NOTCH2: variants seen among roughly 807,000 people sequenced by gnomAD.
NOTCH2 encodes notch receptor 2.
NOTCH2 carries 29 observed loss-of-function variants against 235.8 expected under a neutral mutation model. The observed-to-expected ratio is 0.12, with a 90% CI of 0.09 to 0.17. The LOEUF is 0.17. Ranked by LOEUF, NOTCH2 falls within the 10% of genes least tolerant of loss-of-function variation. The pLI, the probability that NOTCH2 is intolerant of heterozygous loss-of-function variation, is 1.00. For missense variants in NOTCH2, 2,285 were observed against 3,150.2 expected (o/e 0.73, Z 6.57); for synonymous variants, 1,086 against 1,141.5 (o/e 0.95, Z 0.98).
At chr1:119,934,883 C>G (rs1487135692) in intron 22 of NOTCH2, among the ~76,000 whole-genome samples, 1 of 152,146 alleles carries the variant, frequency 6.6e-6, no homozygotes, top group Non-Finnish European at 1.5e-5. Context: ...AGAATGATGG[C>G]CATACCACTC....
chr1:119,931,052 G>A (rs1298567299), intron 22 of NOTCH2, among the ~76,000 whole-genome samples: 2 of 147,358 alleles, frequency 1.4e-5, no homozygotes, highest in South Asian at 2.1e-4. Flanking sequence ...GCAGTAAGCC[G>A]AGATTGCGCT....
chr1:119,998,067 A>G (rs1652543797), intron 3 of NOTCH2, among the ~76,000 whole-genome samples: 1 of 145,976 alleles, frequency 6.9e-6, no homozygotes, highest in Non-Finnish European at 1.5e-5. Flanking sequence ...ACCTCTGTAA[A>G]GTCATCCTTA....
intron 1 of NOTCH2, among the ~76,000 whole-genome samples, chr1:120,066,534 T>C (rs1325785892): frequency 2.7e-5 from 4 of 150,290 alleles, no homozygotes; most frequent in Admixed American, 6.6e-5. Context: ...GTGGGCAAAA[T>C]AGAATTTCTG....
intron 2 of NOTCH2, among the ~76,000 whole-genome samples, chr1:120,010,826 T>C (rs2101259243): frequency 6.6e-6 from 1 of 152,270 alleles, no homozygotes; most frequent in Non-Finnish European, 1.5e-5. Flanking sequence ...AATAAAAATG[T>C]TCATAGCAGC....
In NOTCH2 at chr1:120,006,748, C is replaced by T. The variant is rs587707592; in HGVS notation, c.156-1160G>A. ...CACATTTAAACCAAACTCTAAATCC[C>T]CCTCTCAAAAACCAGCTCTTCTGTG... On this transcript the variant is annotated intron_variant, in intron 2 of 33. Coordinates refer to ENST00000256646, the MANE Select transcript of NOTCH2 (RefSeq NM_024408.4). Among the ~76,000 whole-genome samples the T allele has an allele frequency of 5.3e-5, 8 of 151,966 alleles. No individual in the cohort carries two copies. The South Asian group carries it at 1.7e-3, about 32-fold the overall frequency.
chr1:119,912,133 C>T lies in NOTCH2; in HGVS notation c.*3173G>A, dbSNP rs587757461. Reference sequence around the variant, plus strand: ...CATCTTAACTACCTTTAGAATGAAACGGAAAAGTAAAAACAAAGTGTGCAT... The same window carrying T: ...CATCTTAACTACCTTTAGAATGAAATGGAAAAGTAAAAACAAAGTGTGCAT... On this transcript the variant is annotated 3_prime_UTR_variant, in exon 34 of 34. Coordinates refer to ENST00000256646, the MANE Select transcript of NOTCH2 (RefSeq NM_024408.4). 6.0e-5 allele frequency: 14 copies of T among 233,368 alleles called. No homozygotes were observed. Among genetic ancestry groups the T allele is most frequent in the South Asian group, 1.8e-4 (1 of 5,516 alleles). 14.5% of individuals were successfully genotyped at this position (233,368 alleles called of 1,614,324 possible).
At chr1:120,026,085 A>G (rs1653825983) in intron 2 of NOTCH2, among the ~76,000 whole-genome samples, 1 of 137,072 alleles carries the variant, frequency 7.3e-6, no homozygotes, top group Admixed American at 7.1e-5. Flanking sequence ...ATCTAATCAC[A>G]GACTGATAGG....
At chr1:119,938,124 A>G in intron 19 of NOTCH2, 114 bp from the exon 20 acceptor site, 1 of 1,211,718 alleles carries the variant, frequency 8.3e-7, no homozygotes. Context: ...AAAAAGAAAA[A>G]GAGCCTTCAT....
intron 1 of NOTCH2, among the ~76,000 whole-genome samples, chr1:120,064,969 A>G (rs1386759508): frequency 3.3e-5 from 5 of 151,942 alleles, no homozygotes; most frequent in Non-Finnish European, 7.4e-5. Flanking sequence ...ACAAAATAAC[A>G]GAAATTGCTG....
rs1352825600 is a variant in NOTCH2 at position 119,915,366 on chromosome 1, C to A, written c.7356G>T (p.Gln2452His). 3.7e-6 allele frequency: 6 copies of A among 1,614,192 alleles called. No homozygotes were observed. Among genetic ancestry groups the A allele is most frequent in the Non-Finnish European group, 3.4e-6 (4 of 1,180,044 alleles). ...SPTPGGAGGG[Q>H]RGPGTHMSEP... is the part of the protein sequence containing the mutation. The stretch of plus-strand genomic sequence containing the variant: ...CAGACATGTGTGTCCCAGGTCCCCG[C>A]TGACCTCCTCCAGCACCCCCAGGGG... Residue 2452 changes from glutamine to histidine, a missense_variant, in exon 34 of 34, where the codon CAG becomes CAT. Coordinates refer to ENST00000256646, the MANE Select transcript of NOTCH2 (RefSeq NM_024408.4).
chr1:120,014,559 C>T (rs1318075673), intron 2 of NOTCH2, among the ~76,000 whole-genome samples: 2 of 136,112 alleles, frequency 1.5e-5, no homozygotes, highest in East Asian at 2.0e-4. Context: ...GAAAACATTC[C>T]ATTTGAAGGA....
At chr1:119,985,738 T>A (rs1433101770) in intron 5 of NOTCH2, among the ~76,000 whole-genome samples, 1 of 152,146 alleles carries the variant, frequency 6.6e-6, no homozygotes, top group Non-Finnish European at 1.5e-5. Flanking sequence ...TTTACAGTAA[T>A]TTTTTAAGTT....
At chr1:119,973,287 T>A (rs1651436989) in intron 5 of NOTCH2, among the ~76,000 whole-genome samples, 1 of 152,174 alleles carries the variant, frequency 6.6e-6, no homozygotes. Flanking sequence ...AAATTCAGAA[T>A]AGGAAAAACA....
intron 5 of NOTCH2, among the ~76,000 whole-genome samples, chr1:119,974,870 G>A (rs749330698): frequency 1.4e-4 from 21 of 152,008 alleles, no homozygotes; most frequent in Non-Finnish European, 1.5e-4. Context: ...TCCCCATTTC[G>A]CTATAAGCTC....
chr1:119,926,941 T>A (rs1649496519), intron 23 of NOTCH2, among the ~76,000 whole-genome samples: 1 of 152,228 alleles, frequency 6.6e-6, no homozygotes, highest in African/African-American at 2.4e-5. Context: ...TTAGCTTTCA[T>A]AAGTTGCAAA....
At chr1:119,937,125 G>A (rs1297822732) in intron 21 of NOTCH2, among the ~76,000 whole-genome samples, 157 bp downstream of exon 21, 3 of 152,146 alleles carry the variant, frequency 2.0e-5, no homozygotes, top group African/African-American at 4.8e-5. Context: ...TGCACAGAGA[G>A]GCTGAAAGAA....
intron 8 of NOTCH2, 56 bp from the exon 9 acceptor site, chr1:119,966,545 C>G: frequency 8.2e-7 from 1 of 1,218,338 alleles, no homozygotes; most frequent in Non-Finnish European, 1.2e-6. Context: ...GTATTCCAGA[C>G]AAGGAAGCAC....
At chr1:119,966,304 C>T (rs1227165936) in intron 9 of NOTCH2, 72 bp downstream of exon 9, 2 of 983,420 alleles carry the variant, frequency 2.0e-6, no homozygotes, top group Admixed American at 1.7e-5. Context: ...CACATTCTCT[C>T]CCTGCTCTCT....
intron 4 of NOTCH2, chr1:119,996,498 T>A: frequency 1.6e-6 from 1 of 611,866 alleles, no homozygotes; most frequent in Admixed American, 2.9e-5. Context: ...TGAAGGCCAG[T>A]AGCCCAGAGA....
Sources: allele counts gnomAD v4.1 joint callset (sites outside exome capture counted in the v4.1 genomes callset), GRCh38; gene constraint gnomAD v4.1.1; transcripts MANE v1.5; gene names NCBI Gene and HGNC (gene_info 2026-07-23, HGNC 2026-07-21).